The following NUDCD3 variants were observed in gnomAD, a reference collection of about 807,000 sequenced individuals.
NUDCD3 encodes NudC domain containing 3.
In NUDCD3, 13 loss-of-function variants were observed where a neutral mutation model predicts 39.7. The ratio of observed to expected loss-of-function variants is 0.33; its 90% CI spans 0.21 to 0.52. The LOEUF (loss-of-function observed/expected upper bound fraction) is 0.52. Ranked by LOEUF, NUDCD3 falls within the 20% of genes least tolerant of loss-of-function variation. The pLI is 0.96. For missense variants in NUDCD3, 453 were observed against 458.1 expected, an observed-to-expected ratio of 0.99 and a Z score of 0.10; for synonymous variants, 175 against 172.4, an observed-to-expected ratio of 1.02 and a Z score of -0.12.
At chr7:44,458,674 T>G (rs1326911702) in intron 2 of NUDCD3, among the ~76,000 whole-genome samples, 4 of 150,980 alleles carry the variant, frequency 2.6e-5, no homozygotes, top group Admixed American at 6.6e-5. Flanking sequence ...AAAAAAAAAG[T>G]TCTGGAATTA....
rs571893443 is a variant in NUDCD3, at chr7:44,399,096, C to T, written c.786+5344G>A. Among the ~76,000 whole-genome samples, 28 of 152,326 alleles carry T rather than the reference C, an allele frequency of 1.8e-4. No individual in the cohort carries two copies. In the South Asian group the frequency reaches 5.0e-3, roughly 27 times the overall value. On this transcript the variant is annotated intron_variant, in intron 4 of 5. Coordinates refer to ENST00000355451, the MANE Select transcript of NUDCD3 (RefSeq NM_015332.4). Reference sequence around the variant, plus strand: ...AGGGATGGGGCCGACAAAGCAATGCCGAGCTGCGTTCCTTTCCTCTCCTCC... The same window carrying T: ...AGGGATGGGGCCGACAAAGCAATGCTGAGCTGCGTTCCTTTCCTCTCCTCC...
chr7:44,404,782 TAAATC>T (rs927486131), intron 3 of NUDCD3, among the ~76,000 whole-genome samples, 199 bp from the exon 4 acceptor site: 9 of 142,222 alleles, frequency 6.3e-5, no homozygotes, highest in Non-Finnish European at 1.1e-4. Flanking sequence ...GCTCATTTAG[TAAATC>T]CACCAGAAAA....
At chr7:44,481,764 T>C (rs1800495519) in intron 2 of NUDCD3, among the ~76,000 whole-genome samples, 1 of 152,218 alleles carries the variant, frequency 6.6e-6, no homozygotes, top group Admixed American at 6.5e-5. Context: ...AATGTTTGTG[T>C]CCCAAAATTC....
intron 2 of NUDCD3, among the ~76,000 whole-genome samples, chr7:44,477,044 C>T (rs903216887): frequency 2.0e-5 from 3 of 152,148 alleles, no homozygotes; most frequent in Non-Finnish European, 4.4e-5. Flanking sequence ...CCAAGAAGCA[C>T]CGAGGTCCCT....
chr7:44,433,854 G>A (rs756719683), intron 2 of NUDCD3, among the ~76,000 whole-genome samples: 7 of 152,052 alleles, frequency 4.6e-5, no homozygotes, highest in Non-Finnish European at 1.0e-4. Context: ...CCTCAGCAAG[G>A]CACTCGAGGT....
intron 2 of NUDCD3, among the ~76,000 whole-genome samples, chr7:44,453,338 G>A (rs1452588241): frequency 6.6e-6 from 1 of 152,030 alleles, no homozygotes; most frequent in African/African-American, 2.4e-5. Context: ...AGGCGACAGA[G>A]TGAGACTTCA....
intron 3 of NUDCD3, chr7:44,426,118 G>A: frequency 1.0e-6 from 1 of 985,384 alleles, no homozygotes; most frequent in Non-Finnish European, 1.2e-6. Context: ...TTGCCTCTCA[G>A]GACTGGATGG....
chr7:44,473,838 T>C (rs920132213), intron 2 of NUDCD3, among the ~76,000 whole-genome samples: 2 of 152,120 alleles, frequency 1.3e-5, no homozygotes, highest in Non-Finnish European at 2.9e-5. Context: ...CTTGATTTAC[T>C]TTACCAAATA....
intron 3 of NUDCD3, among the ~76,000 whole-genome samples, chr7:44,413,855 C>A (rs1798973668): frequency 6.6e-6 from 1 of 152,056 alleles, no homozygotes; most frequent in East Asian, 1.9e-4. Context: ...GAGTACAAGA[C>A]CAGCTTCTTG....
chr7:44,399,109 T>C (rs1036357842), intron 4 of NUDCD3, among the ~76,000 whole-genome samples: 1 of 152,218 alleles, frequency 6.6e-6, no homozygotes, highest in Non-Finnish European at 1.5e-5. Flanking sequence ...GCTGCGTTCC[T>C]TTCCTCTCCT....
rs1798361025 is a variant in NUDCD3, at chr7:44,384,257, T to A, written c.*1754A>T. 6.6e-6 allele frequency: 1 copy of A among 152,126 alleles called. No individual in the cohort carries two copies. The highest frequency in any genetic ancestry group is 2.4e-5 in the African/African-American group (1 of 41,416). The allele number at this position is 152,126 out of a possible 1,614,324, so 9.4% of individuals were successfully genotyped here. Reference sequence around the variant, plus strand: ...ACCTCCTTTCATTAGGCAGGAAAGCTCTTGTGGGACAGTGGTGTGCAAATC... The same window carrying A: ...ACCTCCTTTCATTAGGCAGGAAAGCACTTGTGGGACAGTGGTGTGCAAATC... On this transcript the variant is annotated 3_prime_UTR_variant, in exon 6 of 6. Coordinates refer to ENST00000355451, the MANE Select transcript of NUDCD3 (RefSeq NM_015332.4).
intron 4 of NUDCD3, among the ~76,000 whole-genome samples, chr7:44,403,475 T>C (rs1413293083): frequency 2.0e-5 from 3 of 152,210 alleles, no homozygotes; most frequent in Non-Finnish European, 4.4e-5. Context: ...AGGTTTGATA[T>C]CAAGACCAGA....
At chr7:44,388,161 A>G (rs944721020) in intron 5 of NUDCD3, among the ~76,000 whole-genome samples, 5 of 152,240 alleles carry the variant, frequency 3.3e-5, no homozygotes, top group African/African-American at 1.2e-4. Flanking sequence ...TAGAAGCACA[A>G]TTTGAAATCT....
intron 2 of NUDCD3, among the ~76,000 whole-genome samples, chr7:44,432,826 C>T (rs1799390251): frequency 6.6e-6 from 1 of 152,226 alleles, no homozygotes; most frequent in South Asian, 2.1e-4. Flanking sequence ...GCTGTCATCA[C>T]ACCTCACCAC....
At chr7:44,484,322 A>G (rs1051095202) in intron 2 of NUDCD3, 2 of 152,308 alleles carry the variant, frequency 1.3e-5, no homozygotes, top group African/African-American at 4.8e-5. Context: ...AAGTGAGTAC[A>G]AGTACATAAA....
At position 44,457,395 on chromosome 7, in the gene NUDCD3, G is replaced by C. The variant is rs35988029; in HGVS notation, c.509+27573C>G. Reference sequence around the variant, plus strand: ...AAAATTATCTGTTTGCAAATGAAAAGATCTTGTATATAGAAAATCCTAAGG... The same window carrying C: ...AAAATTATCTGTTTGCAAATGAAAACATCTTGTATATAGAAAATCCTAAGG... On this transcript the variant is annotated intron_variant, in intron 2 of 5. Transcript: ENST00000355451. Among the ~76,000 whole-genome samples the C allele has an allele frequency of 5.7e-3, 867 of 152,254 alleles. 4 individuals are homozygous for C. Among genetic ancestry groups the C allele is most frequent in the Non-Finnish European group, 9.2e-3 (627 of 67,996 alleles).
At chr7:44,388,015 T>C (rs1798430672) in intron 5 of NUDCD3, among the ~76,000 whole-genome samples, 1 of 152,146 alleles carries the variant, frequency 6.6e-6, no homozygotes, top group Admixed American at 6.5e-5. Flanking sequence ...TCATAAAAAA[T>C]TAAATTAGGG....
Position 44,392,393 on chromosome 7 carries a change from G to A in NUDCD3, c.879C>T (p.Ser293=), listed in dbSNP as rs1289914781. The stretch of plus-strand genomic sequence containing the variant: ...GTTCCTCCTCATCCACGGTGGCCAT[G>A]GAGCGCTCCTTGTTGATCTTGTCAA... ...IDIDKINKER[S]MATVDEEEQA... Residue 293 remains serine, a synonymous_variant, in exon 5 of 6, where the codon TCC becomes TCT. Transcript: ENST00000355451. 1 of 1,614,172 alleles carries A rather than the reference G, an allele frequency of 6.2e-7. No individual in the cohort carries two copies. Among genetic ancestry groups the A allele is most frequent in the Admixed American group, 1.7e-5 (1 of 60,024 alleles).
At chr7:44,471,588 C>A (rs556754032) in intron 2 of NUDCD3, among the ~76,000 whole-genome samples, 2 of 152,296 alleles carry the variant, frequency 1.3e-5, no homozygotes, top group South Asian at 2.1e-4. Context: ...AGGAAAGGCA[C>A]ATAGAGGTTT....
Sources: gnomAD v4.1 joint callset for allele counts (sites outside exome capture counted in the v4.1 genomes callset) on GRCh38, gnomAD v4.1.1 for gene constraint, MANE v1.5 for transcripts, NCBI Gene and HGNC (gene_info 2026-07-23, HGNC 2026-07-21) for gene names.